GALNT13: variants seen among roughly 807,000 people sequenced by gnomAD.
The protein encoded by GALNT13 is polypeptide N-acetylgalactosaminyltransferase 13.
Under a neutral mutation model 64.2 loss-of-function variants are expected in GALNT13, and 28 were observed. The observed-to-expected ratio is 0.44, with a 90% confidence interval of 0.32 to 0.60. The LOEUF (loss-of-function observed/expected upper bound fraction) is 0.60. GALNT13 is among the 20% of genes least tolerant of loss of function. The probability of loss-of-function intolerance (pLI) is 0.05; values close to 1 mark genes in which losing one functional copy is unlikely to be tolerated. For missense variants in GALNT13, 577 were observed against 669.8 expected (o/e 0.86, Z 1.53); for synonymous variants, 214 against 224.6 (o/e 0.95, Z 0.42).
the GALNT13 span, among the ~76,000 whole-genome samples, chr2:153,277,085 C>A: frequency 4.6e-5 from 7 of 152,052 alleles, no homozygotes; most frequent in Non-Finnish European, 1.0e-4. Context: ...TCAAGAGGTA[C>A]ATGTGCTGGT....
the GALNT13 span, among the ~76,000 whole-genome samples, chr2:153,090,558 G>A: frequency 1.3e-5 from 2 of 152,182 alleles, no homozygotes; most frequent in Non-Finnish European, 2.9e-5. Context: ...TTGCTGTAAT[G>A]GGCTACATTG....
intron 12 of GALNT13, chr2:154,441,634 C>T (rs1701302838): frequency 6.6e-6 from 1 of 152,086 alleles, no homozygotes; most frequent in Non-Finnish European, 1.5e-5. Context: ...TTGTGAATCT[C>T]ACCATGTGAA....
chr2:153,383,372 A>G, the GALNT13 span, among the ~76,000 whole-genome samples: 1 of 152,242 alleles, frequency 6.6e-6, no homozygotes, highest in African/African-American at 2.4e-5. Context: ...AATGGATCAC[A>G]CACAGCCTCA....
intron 8 of GALNT13, among the ~76,000 whole-genome samples, chr2:154,298,319 G>A (rs1424370408): frequency 6.8e-6 from 1 of 147,682 alleles, no homozygotes; most frequent in Non-Finnish European, 1.5e-5. Flanking sequence ...AAAAACGAAT[G>A]TAAATTGAGG....
At chr2:153,267,898 A>G in the GALNT13 span, among the ~76,000 whole-genome samples, 7 of 152,186 alleles carry the variant, frequency 4.6e-5, no homozygotes, top group African/African-American at 1.7e-4. Flanking sequence ...ATAACCTCTC[A>G]CTAGAACAGC....
chr2:154,136,658 T>TA (rs896443630), intron 3 of GALNT13, among the ~76,000 whole-genome samples: 35 of 152,132 alleles, frequency 2.3e-4, no homozygotes, highest in African/African-American at 8.0e-4. Context: ...GGTTCTGTGT[T>TA]AGAGAAAATG....
At chr2:153,390,725 T>C in the GALNT13 span, among the ~76,000 whole-genome samples, 1 of 152,090 alleles carries the variant, frequency 6.6e-6, no homozygotes, top group African/African-American at 2.4e-5. Context: ...GTTACTGCAG[T>C]CATTTTTCAT....
chr2:153,902,290 A>G (rs1276069700), intron 2 of GALNT13, among the ~76,000 whole-genome samples: 1 of 152,024 alleles, frequency 6.6e-6, no homozygotes, highest in South Asian at 2.1e-4. Context: ...TGAGAATAAG[A>G]GATGAAGTCT....
chr2:153,554,500 C>T, the GALNT13 span, among the ~76,000 whole-genome samples: 1 of 152,162 alleles, frequency 6.6e-6, no homozygotes, highest in African/African-American at 2.4e-5. Context: ...CTCCTTAACT[C>T]AGCATTTTTC....
At chr2:153,860,992 G>C in the GALNT13 span, among the ~76,000 whole-genome samples, 1 of 152,194 alleles carries the variant, frequency 6.6e-6, no homozygotes, top group South Asian at 2.1e-4. Context: ...AGAAAGCAGT[G>C]AGAGCAGTGA....
chr2:153,556,204 T>C, the GALNT13 span, among the ~76,000 whole-genome samples: 1 of 152,174 alleles, frequency 6.6e-6, no homozygotes, highest in Admixed American at 6.5e-5. Flanking sequence ...TTACATATGA[T>C]AGCCCAGTGA....
At chr2:154,248,486 A>G (rs1244132860) in intron 7 of GALNT13, among the ~76,000 whole-genome samples, 1 of 152,194 alleles carries the variant, frequency 6.6e-6, no homozygotes, top group East Asian at 1.9e-4. Flanking sequence ...GAATATTTCA[A>G]TTATATGTGC....
chr2:153,907,263 A>G (rs1688634492), intron 2 of GALNT13, among the ~76,000 whole-genome samples: 1 of 151,498 alleles, frequency 6.6e-6, no homozygotes, highest in African/African-American at 2.4e-5. Flanking sequence ...GGTCTTATGT[A>G]TTTTGGTTAA....
At chr2:154,331,016 A>G (rs779535989) in intron 9 of GALNT13, among the ~76,000 whole-genome samples, 1 of 152,102 alleles carries the variant, frequency 6.6e-6, no homozygotes, top group Non-Finnish European at 1.5e-5. Context: ...AGTAATTAAT[A>G]TGCCTGGACA....
intron 4 of GALNT13, among the ~76,000 whole-genome samples, chr2:154,186,990 A>C (rs554462629): frequency 6.6e-6 from 1 of 152,190 alleles, no homozygotes; most frequent in Admixed American, 6.5e-5. Context: ...GAACCAAAAA[A>C]AAACCCCCAG....
At chr2:154,088,747 C>G (rs1701656274) in intron 3 of GALNT13, among the ~76,000 whole-genome samples, 1 of 152,158 alleles carries the variant, frequency 6.6e-6, no homozygotes, top group South Asian at 2.1e-4. Flanking sequence ...GCCACCATGT[C>G]CAGTCAGTGC....
chr2:153,394,605 A>G, the GALNT13 span, among the ~76,000 whole-genome samples: 2 of 152,126 alleles, frequency 1.3e-5, no homozygotes, highest in African/African-American at 4.8e-5. Context: ...TATTCTCATC[A>G]TAAAGGATCT....
chr2:153,667,963 G>T, the GALNT13 span, among the ~76,000 whole-genome samples: 5 of 152,000 alleles, frequency 3.3e-5, no homozygotes, highest in African/African-American at 7.2e-5. Flanking sequence ...AAAAGCAGGG[G>T]TTGCTATTCT....
At chr2:153,409,144 C>T in the GALNT13 span, among the ~76,000 whole-genome samples, 2,249 of 152,026 alleles carry the variant, frequency 0.015, 47 homozygotes, top group African/African-American at 0.051. Flanking sequence ...TGCCTGCTTC[C>T]CTACTTTTGA....
Sources: gnomAD v4.1 joint callset for allele counts (sites outside exome capture counted in the v4.1 genomes callset) on GRCh38, gnomAD v4.1.1 for gene constraint, MANE v1.5 for transcripts, NCBI Gene and HGNC (gene_info 2026-07-23, HGNC 2026-07-21) for gene names.